The following SHANK2 variants were observed in gnomAD, a reference collection of about 807,000 sequenced individuals.
SHANK2 encodes the protein SH3 and multiple ankyrin repeat domains 2.
In SHANK2, 43 loss-of-function variants were observed where a neutral mutation model predicts 133.7. The observed-to-expected ratio is 0.32, with a 90% CI of 0.25 to 0.41. The LOEUF (loss-of-function observed/expected upper bound fraction) is 0.41. Among genes scored for constraint, SHANK2 ranks in the 10% least tolerant of loss-of-function variants. The pLI is 1.00. For missense variants in SHANK2, 1,994 were observed against 2,235.8 expected (o/e 0.89, Z 2.18); for synonymous variants, 1,017 against 952.8 (o/e 1.07, Z -1.24).
chr11:70,656,950 C>G (rs58188112), intron 17 of SHANK2, among the ~76,000 whole-genome samples: 228 of 152,260 alleles, frequency 1.5e-3, no homozygotes, highest in African/African-American at 5.1e-3. Context: ...ATGACAGGCA[C>G]CAAGGCCGAG....
intron 17 of SHANK2, among the ~76,000 whole-genome samples, chr11:70,573,319 TGGGGGGGGGGGGC>T (rs2060072012): frequency 3.7e-4 from 1 of 2,714 alleles, no homozygotes; most frequent in Non-Finnish European, 1.5e-3. Context: ...ACTCCAGCGG[TGGGGGGGGGGGGC>T]GGGGGCAGGA....
intron 9 of SHANK2, among the ~76,000 whole-genome samples, chr11:71,069,430 T>TCACCACCATCATCAGCAC (rs1951113778): frequency 6.6e-6 from 1 of 151,512 alleles, no homozygotes; most frequent in African/African-American, 2.4e-5. Flanking sequence ...ACCTTCATCA[T>TCACCACCATCATCAGCAC]CACCACCATC....
chr11:70,773,846 T>C (rs139726515), intron 14 of SHANK2, among the ~76,000 whole-genome samples: 321 of 152,268 alleles, frequency 2.1e-3, no homozygotes, highest in Non-Finnish European at 3.7e-3. Context: ...GCGAAGATGA[T>C]GGGGAAAACT....
intron 10 of SHANK2, among the ~76,000 whole-genome samples, chr11:70,914,314 C>T (rs1555079544): frequency 1.3e-5 from 2 of 152,048 alleles, no homozygotes; most frequent in Non-Finnish European, 2.9e-5. Flanking sequence ...AGGTAGAATC[C>T]ACCTGGCACC....
chr11:70,820,819 G>A (rs368940799), intron 11 of SHANK2, 137 bp from the exon 12 acceptor site: 15 of 548,750 alleles, frequency 2.7e-5, no homozygotes, highest in Middle Eastern at 4.4e-4. Flanking sequence ...GTGAGTTCTG[G>A]GCCGAGACCC....
chr11:71,153,657 G>A lies in SHANK2; in HGVS notation c.-12-6319C>T, dbSNP rs531312963. ...TCAAGGTTAGAGTTGCAAAACCTTTGTAAACACCTTTAAAACTGCAAGAGT... is the reference window on the plus strand; with the variant it reads ...TCAAGGTTAGAGTTGCAAAACCTTTATAAACACCTTTAAAACTGCAAGAGT... On this transcript the variant is annotated intron_variant, in intron 2 of 25. Transcript: ENST00000601538. Among the ~76,000 whole-genome samples, 15 of 152,288 alleles carry A rather than the reference G, an allele frequency of 9.8e-5. No homozygotes were observed. In the East Asian group the frequency reaches 1.9e-3, roughly 20 times the overall value.
intron 17 of SHANK2, among the ~76,000 whole-genome samples, chr11:70,575,875 G>A (rs2060109749): frequency 6.6e-6 from 1 of 151,892 alleles, no homozygotes; most frequent in Non-Finnish European, 1.5e-5. Flanking sequence ...CTCGGAGCTA[G>A]GCTGGGGCCC....
rs1947873903 is a variant in SHANK2, at chr11:70,794,831, C to T, written c.1777+3612G>A. Among the ~76,000 whole-genome samples the T allele has an allele frequency of 2.6e-5, 4 of 152,186 alleles. No individual in the cohort carries two copies. In the East Asian group the frequency reaches 7.7e-4, roughly 29 times the overall value. On this transcript the variant is annotated intron_variant, in intron 14 of 25. Coordinates refer to ENST00000601538, the MANE Select transcript of SHANK2 (RefSeq NM_012309.5). ...TTGGCCTCCCAAGGTGCAAAGATTACAGGCATGAGCCACCACACCTGGCCT... is the reference window on the plus strand; with the variant it reads ...TTGGCCTCCCAAGGTGCAAAGATTATAGGCATGAGCCACCACACCTGGCCT...
intron 11 of SHANK2, among the ~76,000 whole-genome samples, chr11:70,824,351 G>A (rs1948605223): frequency 6.6e-6 from 1 of 152,074 alleles, no homozygotes; most frequent in Non-Finnish European, 1.5e-5. Context: ...TGGGGAGGTC[G>A]CGGTGTCACA....
chr11:70,868,434 T>C (rs1254771192), intron 11 of SHANK2, among the ~76,000 whole-genome samples: 1 of 152,220 alleles, frequency 6.6e-6, no homozygotes, highest in Non-Finnish European at 1.5e-5. Flanking sequence ...AGAGTCCCTC[T>C]ACCACCACTG....
At chr11:70,857,977 G>A (rs1453472961) in intron 11 of SHANK2, among the ~76,000 whole-genome samples, 1 of 152,154 alleles carries the variant, frequency 6.6e-6, no homozygotes, top group Non-Finnish European at 1.5e-5. Context: ...TCCTTGTACT[G>A]TAGCATGATG....
intron 14 of SHANK2, among the ~76,000 whole-genome samples, chr11:70,726,063 T>A (rs1165934181): frequency 2.0e-5 from 3 of 152,188 alleles, no homozygotes; most frequent in Non-Finnish European, 4.4e-5. Context: ...TGTAAGCTTC[T>A]CCATGCTCAG....
At chr11:71,170,020 T>TA (rs143672241) in intron 2 of SHANK2, among the ~76,000 whole-genome samples, 1 of 151,956 alleles carries the variant, frequency 6.6e-6, no homozygotes, top group Non-Finnish European at 1.5e-5. Flanking sequence ...CATCTTTTTT[T>TA]AAAAAAAGAT....
intron 12 of SHANK2, among the ~76,000 whole-genome samples, chr11:70,818,668 A>G (rs1231462704): frequency 1.3e-5 from 2 of 152,210 alleles, no homozygotes; most frequent in Non-Finnish European, 2.9e-5. Flanking sequence ...GCAGGAATCT[A>G]GACCAGAAGC....
intron 17 of SHANK2, among the ~76,000 whole-genome samples, chr11:70,595,732 G>C (rs1328706427): frequency 6.6e-6 from 1 of 152,248 alleles, no homozygotes; most frequent in Non-Finnish European, 1.5e-5. Context: ...GGTAGCGGGG[G>C]AAGATTGAGG....
intron 6 of SHANK2, among the ~76,000 whole-genome samples, chr11:71,097,539 C>T (rs575091133): frequency 4.6e-5 from 7 of 152,352 alleles, no homozygotes; most frequent in Admixed American, 3.9e-4. Flanking sequence ...ACGTGAACAA[C>T]GGGTGGGAGT....
At chr11:70,716,927 C>G (rs1200828508) in intron 14 of SHANK2, among the ~76,000 whole-genome samples, 2 of 151,558 alleles carry the variant, frequency 1.3e-5, no homozygotes, top group Non-Finnish European at 2.9e-5. Context: ...CCCCTCCCAG[C>G]CTGGCCATTC....
chr11:71,118,033 T>C (rs1209328605), intron 4 of SHANK2, among the ~76,000 whole-genome samples: 1 of 151,882 alleles, frequency 6.6e-6, no homozygotes, highest in Non-Finnish European at 1.5e-5. Flanking sequence ...ATCCAGCTGG[T>C]GTCTGGAGAG....
chr11:70,504,593 C>A (rs971101499), intron 17 of SHANK2, among the ~76,000 whole-genome samples: 5 of 152,194 alleles, frequency 3.3e-5, no homozygotes, highest in Admixed American at 1.3e-4. Context: ...CAGCTGGTCA[C>A]CCTGCACTGC....
Sources: gnomAD v4.1 joint callset for allele counts (sites outside exome capture counted in the v4.1 genomes callset) on GRCh38, gnomAD v4.1.1 for gene constraint, MANE v1.5 for transcripts, NCBI Gene and HGNC (gene_info 2026-07-23, HGNC 2026-07-21) for gene names.